ACO1: variants seen among roughly 807,000 people sequenced by gnomAD.
ACO1 encodes the protein aconitase 1, also known as cytoplasmic aconitate hydratase.
In ACO1, 78 loss-of-function variants were observed where a neutral mutation model predicts 105.1. That is an observed-to-expected ratio of 0.74 (90% CI 0.62 to 0.90). The LOEUF is 0.90. ACO1 is among the 40% of genes least tolerant of loss of function. ACO1 has a pLI of 0.00. For missense variants in ACO1, 965 were observed against 1,111.1 expected, an observed-to-expected ratio of 0.87 and a Z score of 1.87; for synonymous variants, 364 against 397.4, an observed-to-expected ratio of 0.92 and a Z score of 1.00.
Position 32,439,904 on chromosome 9 carries a change from C to T in ACO1, c.2248-561C>T, listed in dbSNP as rs1483667861. Reference sequence around the variant, plus strand: ...TTTTCTCCCCTGATGCCTTAGGATTCTAATGTTTTTATAAAACCAACAACA... The same window carrying T: ...TTTTCTCCCCTGATGCCTTAGGATTTTAATGTTTTTATAAAACCAACAACA... On this transcript the variant is annotated intron_variant, in intron 18 of 20. Coordinates refer to ENST00000309951, the MANE Select transcript of ACO1 (RefSeq NM_002197.3). The surrounding 1 kb of genome is among the most constrained non-coding windows in gnomAD (Gnocchi z 4.0). Among the ~76,000 whole-genome samples the T allele has an allele frequency of 6.6e-6, 1 of 152,140 alleles. No homozygotes were observed. Among genetic ancestry groups the T allele is most frequent in the Non-Finnish European group, 1.5e-5 (1 of 68,036 alleles).
chr9:32,394,891 G>A (rs923779411), intron 1 of ACO1, among the ~76,000 whole-genome samples: 1 of 152,198 alleles, frequency 6.6e-6, no homozygotes, highest in African/African-American at 2.4e-5. Context: ...GGTTGGTGAG[G>A]TGGCTGGGTA....
At position 32,449,982 on chromosome 9, in the gene ACO1, T is replaced by C. The variant is rs1472805972; in HGVS notation, c.2557-16T>C. 1.2e-6 allele frequency: 2 copies of C among 1,608,762 alleles called. No homozygotes were observed. Among genetic ancestry groups the C allele is most frequent in the Admixed American group, 3.3e-5 (2 of 60,004 alleles). ...GCCACCTCCCTCAATGATGCTTCTG[T>C]TTCTTTGTGCCACAGCTGGATACTG... On this transcript the variant is annotated splice_polypyrimidine_tract_variant and intron_variant, in intron 20 of 20. Transcript: ENST00000309951.
chr9:32,390,163 G>C (rs1048401050), intron 1 of ACO1, among the ~76,000 whole-genome samples: 2 of 152,112 alleles, frequency 1.3e-5, no homozygotes, highest in African/African-American at 4.8e-5. Context: ...ATCTTCATTT[G>C]CAGCTGTATA....
At chr9:32,393,042 A>G (rs1027098082) in intron 1 of ACO1, among the ~76,000 whole-genome samples, 18 of 152,200 alleles carry the variant, frequency 1.2e-4, no homozygotes, top group Non-Finnish European at 1.2e-4. Flanking sequence ...TAACTGCACA[A>G]ATTGTTTGTA....
At chr9:32,422,694 G>A (rs1045542531) in intron 8 of ACO1, among the ~76,000 whole-genome samples, 1 of 152,138 alleles carries the variant, frequency 6.6e-6, no homozygotes, top group African/African-American at 2.4e-5. Flanking sequence ...TCAAGCTCTG[G>A]TTTGGATTTT....
At chr9:32,436,133 A>T in intron 17 of ACO1, 117 bp from the exon 18 acceptor site, 1 of 1,370,990 alleles carries the variant, frequency 7.3e-7, no homozygotes, top group Non-Finnish European at 1.0e-6. Flanking sequence ...TAGGAGACTT[A>T]GAGAAATAGC....
At chr9:32,432,391 TC>T (rs1305021471) in intron 15 of ACO1, among the ~76,000 whole-genome samples, 2 of 152,200 alleles carry the variant, frequency 1.3e-5, no homozygotes, top group Non-Finnish European at 2.9e-5. Flanking sequence ...CCTTCTGCAT[TC>T]AGCTGACCCA....
intron 19 of ACO1, among the ~76,000 whole-genome samples, chr9:32,446,394 G>T (rs1026328081): frequency 2.0e-5 from 3 of 152,146 alleles, no homozygotes; most frequent in African/African-American, 4.8e-5. Context: ...TTTTATCAGA[G>T]ACTAGGATTG....
At chr9:32,427,492 A>G in intron 12 of ACO1, 56 bp downstream of exon 12, 4 of 1,606,704 alleles carry the variant, frequency 2.5e-6, no homozygotes, top group South Asian at 1.1e-5. Context: ...TCCCTCATGT[A>G]TCTTGCTGTG....
At chr9:32,431,218 C>T (rs1410613988) in intron 14 of ACO1, among the ~76,000 whole-genome samples, 2 of 152,180 alleles carry the variant, frequency 1.3e-5, no homozygotes, top group Non-Finnish European at 2.9e-5. Flanking sequence ...TCAACACACA[C>T]GTTCTATGCT....
At chr9:32,426,036 G>A (rs1822086649) in intron 11 of ACO1, 39 bp downstream of exon 11, 1 of 1,597,210 alleles carries the variant, frequency 6.3e-7, no homozygotes, top group Non-Finnish European at 8.5e-7. Context: ...TCATACATGT[G>A]TGTAGGTGGA....
At chr9:32,420,050 G>C (rs1485572121) in intron 7 of ACO1, among the ~76,000 whole-genome samples, 1 of 108,566 alleles carries the variant, frequency 9.2e-6, no homozygotes. Context: ...TCTGTGCACT[G>C]TTCTTAAGAT....
At chr9:32,448,603 G>A (rs1822676488) in intron 19 of ACO1, among the ~76,000 whole-genome samples, 1 of 152,216 alleles carries the variant, frequency 6.6e-6, no homozygotes, top group Non-Finnish European at 1.5e-5. Flanking sequence ...CCTTGGCTAG[G>A]AGAGGAAGTT....
chr9:32,407,424 C>G lies in ACO1; in HGVS notation c.261C>G (p.Asp87Glu). ...PFKPARVILQDFTGVPAVVDF... is the reference protein window; with the variant it reads ...PFKPARVILQEFTGVPAVVDF... ...AGCCTGCTCGTGTCATCCTGCAGGACTTTACGTGAGCCTAATGTCACTTCA... is the reference window on the plus strand; with the variant it reads ...AGCCTGCTCGTGTCATCCTGCAGGAGTTTACGTGAGCCTAATGTCACTTCA... The change falls in exon 3 of 21, where the codon GAC becomes GAG. Residue 87 changes from aspartate (D) to glutamate (E), a missense_variant. Asp to Glu is a conservative substitution (Grantham distance 45). Coordinates refer to ENST00000309951, the MANE Select transcript of ACO1 (RefSeq NM_002197.3). The G allele has an allele frequency of 6.2e-7, 1 of 1,612,232 alleles. No homozygotes were observed. Among genetic ancestry groups the G allele is most frequent in the East Asian group, 2.2e-5 (1 of 44,834 alleles).
intron 1 of ACO1, among the ~76,000 whole-genome samples, chr9:32,387,010 G>T (rs1415483033): frequency 1.6e-4 from 25 of 152,294 alleles, no homozygotes; most frequent in Admixed American, 1.2e-3. Context: ...CCTAAAGTGT[G>T]CTTCAAAGGC....
At chr9:32,440,269 A>G (rs1822447423) in intron 18 of ACO1, among the ~76,000 whole-genome samples, 196 bp from the exon 19 acceptor site, 1 of 145,472 alleles carries the variant, frequency 6.9e-6, no homozygotes, top group Non-Finnish European at 1.5e-5. Context: ...CTCTATCTCA[A>G]AAAAAAAAAA....
chr9:32,449,160 A>G (rs1822697981), intron 20 of ACO1, 79 bp downstream of exon 20: 1 of 1,432,446 alleles, frequency 7.0e-7, no homozygotes, highest in Non-Finnish European at 9.3e-7. Context: ...GAAGGAAATT[A>G]GTGAGGTTTA....
intron 2 of ACO1, 74 bp from the exon 3 acceptor site, chr9:32,407,187 A>C: frequency 2.2e-6 from 3 of 1,385,378 alleles, no homozygotes; most frequent in Middle Eastern, 1.8e-4. Flanking sequence ...TCAACTTTAT[A>C]TAGAGATTGG....
At chr9:32,427,502 G>T (rs757057608) in intron 12 of ACO1, 66 bp downstream of exon 12, 2 of 1,595,320 alleles carry the variant, frequency 1.3e-6, no homozygotes, top group Non-Finnish European at 1.7e-6. Context: ...ATCTTGCTGT[G>T]TCACCTTGTA....
Sources: allele counts gnomAD v4.1 joint callset (sites outside exome capture counted in the v4.1 genomes callset), GRCh38; gene constraint gnomAD v4.1.1; non-coding constraint Gnocchi (gnomAD v3.1); transcripts MANE v1.5; gene names NCBI Gene and HGNC (gene_info 2026-07-23, HGNC 2026-07-21).